The following ACOXL variants were observed in gnomAD, a reference collection of about 807,000 sequenced individuals.
The protein encoded by ACOXL is acyl-CoA oxidase like, also known as acyl-coenzyme A oxidase-like protein.
A neutral mutation model predicts 71.9 loss-of-function variants in ACOXL; 70 were observed. The observed-to-expected ratio is 0.97, with a 90% CI of 0.80 to 1.19. The LOEUF is 1.19. ACOXL is among the 50% of genes most tolerant of loss of function. The pLI is 0.00. For missense variants in ACOXL, 703 were observed against 736.3 expected, an observed-to-expected ratio of 0.95 and a Z score of 0.52; for synonymous variants, 253 against 281.6, an observed-to-expected ratio of 0.90 and a Z score of 1.02.
chr2:111,078,549 C>T (rs2067726449), intron 16 of ACOXL, among the ~76,000 whole-genome samples: 1 of 152,152 alleles, frequency 6.6e-6, no homozygotes, highest in Non-Finnish European at 1.5e-5. Context: ...CAGGTGTGAG[C>T]CACCACACCT....
chr2:110,841,423 T>A lies in ACOXL; in HGVS notation c.788+18T>A. On this transcript the variant is annotated intron_variant, in intron 10 of 17. Transcript: ENST00000439055. Reference sequence around the variant, plus strand: ...AGCCACAGGTAAATGTTTACATTTTTGTTTCTTTTAAGAATTATCCTTACC... The same window carrying A: ...AGCCACAGGTAAATGTTTACATTTTAGTTTCTTTTAAGAATTATCCTTACC... 1 of 1,603,322 alleles carries A rather than the reference T, an allele frequency of 6.2e-7. No homozygotes were observed. Among genetic ancestry groups the A allele is most frequent in the Non-Finnish European group, 8.5e-7 (1 of 1,172,946 alleles).
intron 1 of ACOXL, among the ~76,000 whole-genome samples, chr2:110,734,833 CA>C (rs1676635669): frequency 6.6e-6 from 1 of 151,876 alleles, no homozygotes; most frequent in Non-Finnish European, 1.5e-5. Context: ...ATAAGGGGTC[CA>C]GTGTGGCAGT....
At chr2:111,024,936 T>G (rs1236117269) in intron 14 of ACOXL, among the ~76,000 whole-genome samples, 2 of 150,876 alleles carry the variant, frequency 1.3e-5, no homozygotes, top group African/African-American at 4.8e-5. Flanking sequence ...TTTACATGAA[T>G]TAAAATTAAC....
chr2:110,933,371 A>G (rs1671038247), intron 11 of ACOXL, 118 bp from the exon 12 acceptor site: 15 of 1,263,896 alleles, frequency 1.2e-5, no homozygotes, highest in African/African-American at 1.5e-5. Context: ...TAAAATCTGC[A>G]TCACTGACAT....
chr2:110,772,110 C>T (rs1044715964), intron 2 of ACOXL, among the ~76,000 whole-genome samples: 1 of 152,168 alleles, frequency 6.6e-6, no homozygotes, highest in Non-Finnish European at 1.5e-5. Flanking sequence ...CATGGCATTC[C>T]CATTTTACAG....
At chr2:110,777,583 A>G (rs56329988) in intron 2 of ACOXL, among the ~76,000 whole-genome samples, 4,316 of 152,218 alleles carry the variant, frequency 0.028, 221 homozygotes, top group African/African-American at 0.099. Flanking sequence ...GAACAGAGGG[A>G]TGGGAGAATT....
intron 9 of ACOXL, among the ~76,000 whole-genome samples, chr2:110,820,558 G>C (rs922007439): frequency 4.6e-5 from 7 of 152,024 alleles, no homozygotes; most frequent in African/African-American, 1.7e-4. Context: ...GAGAGGGAGT[G>C]GGGGTGGGGC....
At position 110,945,828 on chromosome 2, in the gene ACOXL, T is replaced by G. The variant is rs112012678; in HGVS notation, c.1059+12186T>G. ...TTAGGATTGCCTTAGCTATTCAGGCTCTCTTTGGTTCCGTATGAATTTTAA... is the reference window on the plus strand; with the variant it reads ...TTAGGATTGCCTTAGCTATTCAGGCGCTCTTTGGTTCCGTATGAATTTTAA... On this transcript the variant is annotated intron_variant, in intron 12 of 17. Coordinates refer to ENST00000439055, the MANE Select transcript of ACOXL (RefSeq NM_001142807.4). 4.2e-4 allele frequency among the ~76,000 whole-genome samples: 64 copies of G among 152,322 alleles called. 1 individual carries two copies. Among genetic ancestry groups the G allele is most frequent in the African/African-American group, 1.4e-3 (60 of 41,584 alleles).
At chr2:111,027,178 G>GGT (rs1315312475) in intron 14 of ACOXL, among the ~76,000 whole-genome samples, 1 of 152,088 alleles carries the variant, frequency 6.6e-6, no homozygotes, top group Non-Finnish European at 1.5e-5. Flanking sequence ...TTACAGGCGT[G>GGT]AGCCACCACG....
At chr2:110,733,065 G>C (rs1158400523) in intron 1 of ACOXL, 1 of 152,414 alleles carries the variant, frequency 6.6e-6, no homozygotes, top group Non-Finnish European at 1.5e-5. Context: ...GGTGACAGGC[G>C]CGGTGTCTAC....
intron 1 of ACOXL, among the ~76,000 whole-genome samples, chr2:110,736,925 T>G (rs1342700149): frequency 6.6e-6 from 1 of 152,188 alleles, no homozygotes; most frequent in African/African-American, 2.4e-5. Flanking sequence ...TGGCCTACAT[T>G]TTGATCATTC....
chr2:111,105,209 A>G (rs1226630715), intron 17 of ACOXL, among the ~76,000 whole-genome samples: 1 of 152,098 alleles, frequency 6.6e-6, no homozygotes, highest in Non-Finnish European at 1.5e-5. Flanking sequence ...CTATCCCTTC[A>G]CCAATACCAC....
intron 10 of ACOXL, among the ~76,000 whole-genome samples, chr2:110,900,127 A>T (rs947279577): frequency 1.9e-5 from 2 of 107,144 alleles, no homozygotes; most frequent in Non-Finnish European, 4.4e-5. Context: ...ACACACACAC[A>T]CACTTCTTCT....
At chr2:110,733,481 T>C (rs1250497767) in intron 1 of ACOXL, among the ~76,000 whole-genome samples, 1 of 152,118 alleles carries the variant, frequency 6.6e-6, no homozygotes, top group African/African-American at 2.4e-5. Context: ...CTCTTTCTCA[T>C]ACCCATTTCA....
chr2:110,835,367 G>C (rs1407445384), intron 9 of ACOXL, among the ~76,000 whole-genome samples: 1 of 151,956 alleles, frequency 6.6e-6, no homozygotes, highest in East Asian at 1.9e-4. Context: ...TCCCTGTCTT[G>C]TTGTATTTTT....
chr2:110,782,198 CTGCAA>C (rs929973375), intron 2 of ACOXL, among the ~76,000 whole-genome samples: 37 of 152,268 alleles, frequency 2.4e-4, no homozygotes, highest in African/African-American at 8.7e-4. Flanking sequence ...AGTAGAATTG[CTGCAA>C]TTCTACTGCT....
At chr2:110,875,237 C>T (rs1258870729) in intron 10 of ACOXL, among the ~76,000 whole-genome samples, 1 of 152,182 alleles carries the variant, frequency 6.6e-6, no homozygotes, top group African/African-American at 2.4e-5. Context: ...GTGGAAACTG[C>T]CACCTTTGAG....
chr2:111,020,135 C>T (rs982922945), intron 14 of ACOXL, among the ~76,000 whole-genome samples: 1 of 152,250 alleles, frequency 6.6e-6, no homozygotes, highest in Non-Finnish European at 1.5e-5. Flanking sequence ...GCTGGGATTG[C>T]AGGCATGAGC....
intron 11 of ACOXL, among the ~76,000 whole-genome samples, chr2:110,928,608 A>G (rs1484967680): frequency 6.6e-6 from 1 of 152,242 alleles, no homozygotes; most frequent in Admixed American, 6.5e-5. Flanking sequence ...GAATCTTGCC[A>G]TCTCATTGAC....
Sources: gnomAD v4.1 joint callset for allele counts (sites outside exome capture counted in the v4.1 genomes callset) on GRCh38, gnomAD v4.1.1 for gene constraint, MANE v1.5 for transcripts, NCBI Gene and HGNC (gene_info 2026-07-23, HGNC 2026-07-21) for gene names.